The following DNAH8 variants were observed in gnomAD, a reference collection of about 807,000 sequenced individuals.
DNAH8 encodes dynein axonemal heavy chain 8.
DNAH8 carries 382 observed loss-of-function variants against 562.1 expected under a neutral mutation model. The ratio of observed to expected loss-of-function variants is 0.68; its 90% CI spans 0.63 to 0.74. The LOEUF is 0.74. DNAH8 is among the 30% of genes least tolerant of loss of function. The pLI is 0.00. For missense variants in DNAH8, 5,203 were observed against 5,620.4 expected (o/e 0.93, Z 2.37); for synonymous variants, 1,881 against 1,919.4 (o/e 0.98, Z 0.52).
At chr6:38,995,886 T>C (rs1409392236) in intron 88 of DNAH8, among the ~76,000 whole-genome samples, 1 of 152,208 alleles carries the variant, frequency 6.6e-6, no homozygotes, top group South Asian at 2.1e-4. Flanking sequence ...GGCAGCTCTG[T>C]TCAACCACTT....
chr6:38,988,952 C>T (rs1159303057), intron 87 of DNAH8, among the ~76,000 whole-genome samples: 1 of 152,178 alleles, frequency 6.6e-6, no homozygotes, highest in Non-Finnish European at 1.5e-5. Context: ...CTCATCCCTC[C>T]GCTGGGTCAC....
At chr6:38,984,395 G>T (rs947342193) in intron 87 of DNAH8, 88 bp downstream of exon 87, 2 of 783,662 alleles carry the variant, frequency 2.6e-6, no homozygotes, top group South Asian at 1.5e-5. Context: ...CCAAACTCAA[G>T]CATACAGCAG....
intron 34 of DNAH8, 55 bp from the exon 35 acceptor site, chr6:38,842,608 C>G (rs1384461096): frequency 6.3e-7 from 1 of 1,593,164 alleles, no homozygotes; most frequent in Non-Finnish European, 8.5e-7. Context: ...ATACATAAAA[C>G]CTTCCTCAAA....
chr6:38,998,314 C>T (rs1583538789), intron 88 of DNAH8, among the ~76,000 whole-genome samples: 1 of 152,092 alleles, frequency 6.6e-6, no homozygotes, highest in Non-Finnish European at 1.5e-5. Flanking sequence ...GTGATAAGAA[C>T]CATGAAAATA....
At chr6:39,001,754 C>T (rs1395541474) in intron 88 of DNAH8, among the ~76,000 whole-genome samples, 2 of 152,162 alleles carry the variant, frequency 1.3e-5, no homozygotes, top group African/African-American at 4.8e-5. Flanking sequence ...TCTTCGAATA[C>T]ATTTAATAAT....
intron 28 of DNAH8, among the ~76,000 whole-genome samples, chr6:38,825,857 C>G (rs1185842145): frequency 6.6e-6 from 1 of 152,126 alleles, no homozygotes; most frequent in Non-Finnish European, 1.5e-5. Flanking sequence ...ATGGGATGGT[C>G]AGAAGAAGTG....
chr6:38,914,392 CTTTTTTTT>C (rs66765653), intron 67 of DNAH8, among the ~76,000 whole-genome samples: 25 of 63,986 alleles, frequency 3.9e-4, no homozygotes, highest in Admixed American at 2.1e-3. Flanking sequence ...TGCTTTTTCT[CTTTTTTTT>C]TTTTTTTTTT....
chr6:38,891,025 C>G (rs1779309914), intron 58 of DNAH8, among the ~76,000 whole-genome samples: 1 of 152,190 alleles, frequency 6.6e-6, no homozygotes, highest in Non-Finnish European at 1.5e-5. Flanking sequence ...GAAATGAGAA[C>G]ACTGCATTTC....
Position 38,910,192 on chromosome 6 carries a change from T to C in DNAH8, c.9740+448T>C, listed in dbSNP as rs531511116. On this transcript the variant is annotated intron_variant, in intron 65 of 92. Coordinates refer to ENST00000327475, the MANE Select transcript of DNAH8 (RefSeq NM_001206927.2). ...TGCATTACTTAGTCTTACCAATGTT[T>C]CTATGCCAGACAACTATGAAACAAA... Among the ~76,000 whole-genome samples, 201 of 152,330 alleles carry C rather than the reference T, an allele frequency of 1.3e-3. 2 individuals carry two copies. The highest frequency in any genetic ancestry group is 0.013 in the South Asian group (62 of 4,824).
intron 30 of DNAH8, among the ~76,000 whole-genome samples, chr6:38,831,508 C>A (rs9380784): frequency 0.14 from 21,810 of 151,112 alleles, 1,726 homozygotes; most frequent in East Asian, 0.35. Flanking sequence ...TAGTGTTAAA[C>A]CCACTAACCC....
chr6:38,875,894 T>G, intron 53 of DNAH8, 66 bp downstream of exon 53: 1 of 990,922 alleles, frequency 1.0e-6, no homozygotes. Flanking sequence ...TAAGCTTTCA[T>G]AAACTCTTCT....
intron 64 of DNAH8, among the ~76,000 whole-genome samples, chr6:38,908,807 C>T (rs1222260907): frequency 2.0e-5 from 3 of 152,186 alleles, no homozygotes; most frequent in African/African-American, 7.2e-5. Flanking sequence ...CCTGCCTGGG[C>T]CTCGCAAAGT....
chr6:38,747,292 G>C lies in DNAH8; in HGVS notation c.1294-3184G>C, dbSNP rs146786033. Among the ~76,000 whole-genome samples the C allele has an allele frequency of 9.3e-3, 1,409 of 152,196 alleles. 14 individuals carry two copies. Among genetic ancestry groups the C allele is most frequent in the South Asian group, 0.068 (326 of 4,822 alleles). ...TAGTTGGAGGGGAAGCAGGATATAAGGTCATGCACTTACCTCTTGAGCTAG... is the reference window on the plus strand; with the variant it reads ...TAGTTGGAGGGGAAGCAGGATATAACGTCATGCACTTACCTCTTGAGCTAG... On this transcript the variant is annotated intron_variant, in intron 8 of 92. Coordinates refer to ENST00000327475, the MANE Select transcript of DNAH8 (RefSeq NM_001206927.2).
At chr6:38,779,850 C>T (rs1007924743) in intron 14 of DNAH8, 116 bp from the exon 15 acceptor site, 38 of 1,012,064 alleles carry the variant, frequency 3.8e-5, no homozygotes, top group Middle Eastern at 3.0e-4. Context: ...CCTAGGACAA[C>T]GAATGAGGGC....
intron 70 of DNAH8, among the ~76,000 whole-genome samples, chr6:38,920,114 A>G (rs192241544): frequency 6.6e-6 from 1 of 152,272 alleles, no homozygotes; most frequent in African/African-American, 2.4e-5. Context: ...AAATAATTAT[A>G]AAGTAATTGT....
intron 53 of DNAH8, among the ~76,000 whole-genome samples, chr6:38,877,715 C>G (rs1016495148): frequency 3.3e-5 from 5 of 152,168 alleles, no homozygotes; most frequent in African/African-American, 1.2e-4. Context: ...ACATTAACAT[C>G]TTTGGAGAAG....
At chr6:38,770,923 G>A (rs1015894240) in intron 12 of DNAH8, among the ~76,000 whole-genome samples, 33 of 152,150 alleles carry the variant, frequency 2.2e-4, no homozygotes, top group African/African-American at 6.3e-4. Context: ...TGGAATCTCC[G>A]GATGTATAAG....
Position 38,882,893 on chromosome 6 carries a change from T to C in DNAH8, c.7859-17T>C. ...AGAATATGGTTCTATTAAGATGAAA[T>C]TTTACTTATTATATAGGTGATTGGG... On this transcript the variant is annotated splice_polypyrimidine_tract_variant and intron_variant, in intron 53 of 92. Coordinates refer to ENST00000327475, the MANE Select transcript of DNAH8 (RefSeq NM_001206927.2). The C allele has an allele frequency of 6.6e-7, 1 of 1,505,432 alleles. No homozygotes were observed. The allele number at this position is 1,505,432 out of a possible 1,614,324, so 93.3% of individuals were successfully genotyped here.
rs373914023 is a variant in DNAH8, at chr6:38,923,080, C to A, written c.10685C>A (p.Thr3562Lys). ...EKMDLLNDAD[T>K]CRKKMQAAST... ...CAGGATTTGCTTAATGACGCTGATA[C>A]GTGCCGGAAAAAGATGCAGGCCGCC... The change falls in exon 72 of 93, where the codon ACG becomes AAG. Residue 3562 changes from threonine (T) to lysine (K), a missense_variant. Transcript: ENST00000327475. The A allele has an allele frequency of 6.2e-7, 1 of 1,613,356 alleles. No homozygotes were observed. Among genetic ancestry groups the A allele is most frequent in the Non-Finnish European group, 8.5e-7 (1 of 1,179,652 alleles).
Sources: gnomAD v4.1 joint callset for allele counts (sites outside exome capture counted in the v4.1 genomes callset) on GRCh38, gnomAD v4.1.1 for gene constraint, MANE v1.5 for transcripts, NCBI Gene and HGNC (gene_info 2026-07-23, HGNC 2026-07-21) for gene names.